Variants in TMEM117 observed in about 807,000 individuals in gnomAD.
TMEM117 encodes the protein transmembrane protein 117.
Under a neutral mutation model 52.4 loss-of-function variants are expected in TMEM117, and 27 were observed. The observed-to-expected ratio is 0.51, with a 90% CI of 0.38 to 0.71. The LOEUF (loss-of-function observed/expected upper bound fraction) is 0.71, where lower values mean the gene tolerates loss of function less well. Ranked by LOEUF, TMEM117 falls within the 30% of genes least tolerant of loss-of-function variation. TMEM117 has a pLI of 0.00. For missense variants in TMEM117, 556 were observed against 630.5 expected, an observed-to-expected ratio of 0.88 and a Z score of 1.26; for synonymous variants, 215 against 206.3, an observed-to-expected ratio of 1.04 and a Z score of -0.36.
At chr12:44,063,171 T>C (rs1425500602) in intron 3 of TMEM117, among the ~76,000 whole-genome samples, 1 of 152,188 alleles carries the variant, frequency 6.6e-6, no homozygotes, top group African/African-American at 2.4e-5. Context: ...TCTTTTATCA[T>C]CTTCTTTCCT....
rs555614692 is a variant in TMEM117, at chr12:44,225,374, C to T, written c.608+13987C>T. On this transcript the variant is annotated intron_variant, in intron 5 of 7. Coordinates refer to ENST00000266534, the MANE Select transcript of TMEM117 (RefSeq NM_032256.3). ...TGTACTTGGCATACATCTGAATTAC[C>T]GCAGTTGCATTGCAAAAATAGTGCA... Among the ~76,000 whole-genome samples the T allele has an allele frequency of 2.2e-4, 33 of 152,136 alleles. 1 individual carries two copies. Among genetic ancestry groups the T allele is most frequent in the African/African-American group, 7.5e-4 (31 of 41,514 alleles).
intron 3 of TMEM117, among the ~76,000 whole-genome samples, chr12:44,073,118 C>T (rs904940441): frequency 3.3e-5 from 5 of 151,866 alleles, no homozygotes; most frequent in Non-Finnish European, 5.9e-5. Context: ...AAAAAAACAA[C>T]CCACATTGTC....
chr12:43,840,027 A>C (rs1943092683), intron 1 of TMEM117, among the ~76,000 whole-genome samples: 1 of 152,208 alleles, frequency 6.6e-6, no homozygotes, highest in African/African-American at 2.4e-5. Context: ...ACATCTCTAC[A>C]TCAGCCCCAG....
intron 3 of TMEM117, among the ~76,000 whole-genome samples, chr12:44,089,309 A>G (rs575491755): frequency 6.6e-6 from 1 of 152,348 alleles, no homozygotes; most frequent in Non-Finnish European, 1.5e-5. Flanking sequence ...AAAAATGGTA[A>G]TATCTTCTAA....
chr12:44,093,072 T>G (rs541546729), intron 3 of TMEM117, among the ~76,000 whole-genome samples: 64 of 152,108 alleles, frequency 4.2e-4, no homozygotes, highest in Non-Finnish European at 7.6e-4. Context: ...GTTTCAGAGA[T>G]AGGGAATAAG....
intron 7 of TMEM117, among the ~76,000 whole-genome samples, chr12:44,377,385 G>A (rs1239284993): frequency 6.6e-6 from 1 of 152,126 alleles, no homozygotes; most frequent in African/African-American, 2.4e-5. Context: ...TAGGGAGTTA[G>A]GCCACTTCTC....
At chr12:43,905,066 C>A (rs1278957229) in intron 2 of TMEM117, among the ~76,000 whole-genome samples, 1 of 152,112 alleles carries the variant, frequency 6.6e-6, no homozygotes, top group East Asian at 1.9e-4. Flanking sequence ...TTGCTTGAAC[C>A]CAGGAGGCGG....
chr12:44,012,975 G>A (rs1371301813), intron 3 of TMEM117, among the ~76,000 whole-genome samples: 2 of 151,506 alleles, frequency 1.3e-5, no homozygotes, highest in Non-Finnish European at 2.9e-5. Flanking sequence ...GAAGTCTTTT[G>A]TACTCCTCTG....
intron 3 of TMEM117, among the ~76,000 whole-genome samples, chr12:44,078,681 A>C (rs1043074385): frequency 3.3e-5 from 5 of 151,916 alleles, no homozygotes; most frequent in Admixed American, 3.3e-4. Context: ...CTTAGGTATT[A>C]TTATTATTTT....
At chr12:43,959,070 G>A (rs1291053590) in intron 3 of TMEM117, among the ~76,000 whole-genome samples, 1 of 152,148 alleles carries the variant, frequency 6.6e-6, no homozygotes, top group South Asian at 2.1e-4. Context: ...GCCTCCCAAA[G>A]TGCTGGCATT....
chr12:44,148,981 C>T (rs1565848820), intron 4 of TMEM117, among the ~76,000 whole-genome samples: 1 of 152,144 alleles, frequency 6.6e-6, no homozygotes. Context: ...CTCCCTACCC[C>T]ACCTCAACCA....
At chr12:44,101,906 T>C (rs1032573889) in intron 3 of TMEM117, among the ~76,000 whole-genome samples, 2 of 151,982 alleles carry the variant, frequency 1.3e-5, no homozygotes, top group Admixed American at 1.3e-4. Context: ...TAAGGGAAGA[T>C]TGTGATGGTC....
At chr12:44,226,839 C>T in intron 5 of TMEM117, among the ~76,000 whole-genome samples, 1 of 151,954 alleles carries the variant, frequency 6.6e-6, no homozygotes, top group Non-Finnish European at 1.5e-5. Context: ...GCTTCTAGCC[C>T]CTGGAATGGA....
chr12:44,392,495 G>T, downstream of TMEM117, among the ~76,000 whole-genome samples: 1 of 151,966 alleles, frequency 6.6e-6, no homozygotes, highest in Non-Finnish European at 1.5e-5. Flanking sequence ...CTGGTTGGTT[G>T]GTTAGTTGTT....
Position 44,114,163 on chromosome 12 carries a change from G to A in TMEM117, c.411-29362G>A, listed in dbSNP as rs576655958. On this transcript the variant is annotated intron_variant, in intron 3 of 7. Coordinates refer to ENST00000266534, the MANE Select transcript of TMEM117 (RefSeq NM_032256.3). ...TCAGATGGAAATGCAGTAATCACCC[G>A]TCTTCTGCGTCGCTCACGCTGGGAG... is the stretch of plus-strand genomic sequence containing the variant. Among the ~76,000 whole-genome samples, 1,196 of 151,800 alleles carry A rather than the reference G, an allele frequency of 7.9e-3. 11 individuals are homozygous for A. Among genetic ancestry groups the A allele is most frequent in the African/African-American group, 0.021 (852 of 41,318 alleles).
the TMEM117 span, among the ~76,000 whole-genome samples, chr12:44,396,848 CAAAAAAAAA>C: frequency 1.5e-5 from 1 of 66,428 alleles, no homozygotes; most frequent in Admixed American, 1.7e-4. Context: ...AGTGAGACTC[CAAAAAAAAA>C]AAAAAAAGAA....
intron 3 of TMEM117, among the ~76,000 whole-genome samples, chr12:44,027,199 A>ATTTTTTTTTT (rs1199295546): frequency 8.8e-6 from 1 of 113,838 alleles, no homozygotes; most frequent in Non-Finnish European, 1.8e-5. Flanking sequence ...ATTTTATTTT[A>ATTTTTTTTTT]ATTAGAGATG....
At chr12:43,963,555 A>G (rs150244884) in intron 3 of TMEM117, among the ~76,000 whole-genome samples, 117 of 152,332 alleles carry the variant, frequency 7.7e-4, no homozygotes, top group African/African-American at 2.7e-3. Context: ...GAGCTAGGAA[A>G]TTTCAGCTCT....
chr12:44,197,945 A>G (rs1949443101), intron 4 of TMEM117, among the ~76,000 whole-genome samples: 1 of 152,226 alleles, frequency 6.6e-6, no homozygotes, highest in Admixed American at 6.5e-5. Flanking sequence ...AAAAAGCTGT[A>G]GAATACATTC....
Sources: allele counts gnomAD v4.1 joint callset (sites outside exome capture counted in the v4.1 genomes callset), GRCh38; gene constraint gnomAD v4.1.1; transcripts MANE v1.5; gene names NCBI Gene and HGNC (gene_info 2026-07-23, HGNC 2026-07-21).